The following INTS2 variants were observed in gnomAD, a reference collection of about 807,000 sequenced individuals.
The protein encoded by INTS2 is integrator complex subunit 2.
Under a neutral mutation model 139.6 loss-of-function variants are expected in INTS2, and 57 were observed. That is an observed-to-expected ratio of 0.41 (90% confidence interval 0.33 to 0.51). The LOEUF (loss-of-function observed/expected upper bound fraction) is 0.51. Among genes scored for constraint, INTS2 ranks in the 20% least tolerant of loss-of-function variants. The probability of loss-of-function intolerance (pLI) is 0.28; values close to 1 mark genes in which losing one functional copy is unlikely to be tolerated. For synonymous variants in INTS2, 473 were observed against 493.4 expected (o/e 0.96, Z 0.55); for missense variants, 1,196 against 1,436.7 (o/e 0.83, Z 2.71).
At chr17:61,911,263 T>C in intron 7 of INTS2, 3 of 444,172 alleles carry the variant, frequency 6.8e-6, no homozygotes, top group Non-Finnish European at 1.2e-5. Flanking sequence ...CAGCTGTTCC[T>C]ATTTTTAAAA....
At chr17:61,920,756 T>C (rs186200495) in intron 4 of INTS2, among the ~76,000 whole-genome samples, 63 of 151,058 alleles carry the variant, frequency 4.2e-4, no homozygotes, top group Admixed American at 9.9e-4. Flanking sequence ...TGAGCCGAGA[T>C]CACACCACTG....
chr17:61,907,542 G>C lies in INTS2; in HGVS notation c.1047C>G (p.Thr349=), dbSNP rs1418412397. Residue 349 remains threonine, a synonymous_variant, in exon 8 of 25, where the codon ACC becomes ACG. Transcript: ENST00000251334. ...CCACATCAGCTTCTTCCACAATTCG[G>C]GTGCTTCTTACTGTGGGAAGAATGC... The part of the protein sequence containing the change: ...LMGILPTVRS[T]RIVEEADVDM... 1 of 1,594,580 alleles carries C rather than the reference G, an allele frequency of 6.3e-7. No homozygotes were observed. Among genetic ancestry groups the C allele is most frequent in the South Asian group, 1.1e-5 (1 of 87,282 alleles).
intron 16 of INTS2, among the ~76,000 whole-genome samples, chr17:61,883,829 G>GGTATTTAAT (rs1317414704): frequency 6.6e-6 from 1 of 151,208 alleles, no homozygotes; most frequent in Non-Finnish European, 1.5e-5. Context: ...ACATTAAAGA[G>GGTATTTAAT]GTATTTAATT....
At position 61,891,464 on chromosome 17, in the gene INTS2, G is replaced by A. The variant is rs369226719; in HGVS notation, c.1875+49C>T. The A allele has an allele frequency of 3.0e-4, 417 of 1,377,502 alleles. 1 individual carries two copies. In the African/African-American group the frequency reaches 5.6e-3, roughly 19 times the overall value. The allele number at this position is 1,377,502 out of a possible 1,614,324, so 85.3% of individuals were successfully genotyped here. A position where few individuals can be genotyped will look rare whatever the true frequency, so the allele number is the denominator to read the frequency against. On this transcript the variant is annotated intron_variant, in intron 14 of 24. Coordinates refer to ENST00000251334, the MANE Select transcript of INTS2 (RefSeq NM_001351695.2). ...AATAAAAATATGGGTTAAGTAAGAAGAACTAAAAGAAAAATAAGTTAATAG... is the reference window on the plus strand; with the variant it reads ...AATAAAAATATGGGTTAAGTAAGAAAAACTAAAAGAAAAATAAGTTAATAG...
chr17:61,894,103 TG>T, intron 12 of INTS2: 1 of 370,242 alleles, frequency 2.7e-6, no homozygotes, highest in East Asian at 4.4e-5. Context: ...CCTAATTTTT[TG>T]TTTATAAACA....
At position 61,899,200 on chromosome 17, in the gene INTS2, G is replaced by A. The variant is rs71375804; in HGVS notation, c.1308-1461C>T. Reference sequence around the variant, plus strand: ...TTACTGGTAGTGTGATCTTGAAGAAGAAACACAAATAATCTTTCTTTTCCT... The same window carrying A: ...TTACTGGTAGTGTGATCTTGAAGAAAAAACACAAATAATCTTTCTTTTCCT... On this transcript the variant is annotated intron_variant, in intron 9 of 24. Coordinates refer to ENST00000251334, the MANE Select transcript of INTS2 (RefSeq NM_001351695.2). Among the ~76,000 whole-genome samples the A allele has an allele frequency of 4.0e-3, 603 of 152,282 alleles. 3 individuals are homozygous for A. The highest frequency in any genetic ancestry group is 6.6e-3 in the Admixed American group (101 of 15,288).
rs61752321 is a variant in INTS2 at position 61,926,459 on chromosome 17, G to A, written c.186C>T (p.Leu62=). The A allele has an allele frequency of 5.5e-3, 8,843 of 1,613,996 alleles. 42 individuals are homozygous for A. The highest frequency in any genetic ancestry group is 6.3e-3 in the Non-Finnish European group (7,412 of 1,179,850). ...QSQSWAQDKK[L]ILRLLSGVEA... is the part of the protein sequence containing the mutation. ...CCACTCCAGAAAGAAGGCGAAGGATGAGTTTCTTATCCTGAGCCCAGCTTT... is the reference window on the plus strand; with the variant it reads ...CCACTCCAGAAAGAAGGCGAAGGATAAGTTTCTTATCCTGAGCCCAGCTTT... Residue 62 remains leucine, a synonymous_variant, in exon 2 of 25, where the codon CTC becomes CTT. Transcript: ENST00000251334.
At chr17:61,923,946 C>G (rs929779220) in intron 3 of INTS2, among the ~76,000 whole-genome samples, 1 of 152,174 alleles carries the variant, frequency 6.6e-6, no homozygotes, top group African/African-American at 2.4e-5. Flanking sequence ...CACCACCACG[C>G]CCAGCTAATT....
intron 15 of INTS2, among the ~76,000 whole-genome samples, chr17:61,889,173 C>T (rs913616861): frequency 3.3e-5 from 5 of 151,760 alleles, no homozygotes; most frequent in South Asian, 2.1e-4. Flanking sequence ...CTGCAACTTC[C>T]GCCTCTGGGT....
At position 61,868,468 on chromosome 17, in the gene INTS2, T is replaced by C. The variant is rs925373412; in HGVS notation, c.3245-459A>G. ...ACAACAGGGTATTATGGAAATATTA[T>C]AATGAGAAAGAATACTAAGTTAACT... is the stretch of plus-strand genomic sequence containing the variant. On this transcript the variant is annotated intron_variant, in intron 23 of 24. Transcript: ENST00000251334. The surrounding 1 kb of genome is among the most constrained non-coding windows in gnomAD (Gnocchi z 4.7). Among the ~76,000 whole-genome samples the C allele has an allele frequency of 2.0e-5, 3 of 152,140 alleles. No individual in the cohort carries two copies. Among genetic ancestry groups the C allele is most frequent in the African/African-American group, 7.2e-5 (3 of 41,444 alleles).
intron 5 of INTS2, among the ~76,000 whole-genome samples, chr17:61,917,470 T>G (rs1448131260): frequency 6.6e-6 from 1 of 152,214 alleles, no homozygotes; most frequent in Non-Finnish European, 1.5e-5. Context: ...AATCATGTCC[T>G]TTGCCGCAAC....
Position 61,867,782 on chromosome 17 carries a change from C to A in INTS2, c.3421+51G>T. On this transcript the variant is annotated intron_variant, in intron 24 of 24. Transcript: ENST00000251334. This position sits in a 1 kb window ranked among gnomAD's most constrained non-coding sequence, Gnocchi z 5.6. ...CCAAGAAATTTGGAAAGGAATTTGGCCTTTTTGTTTGAGATATTAAGATAA... is the reference window on the plus strand; with the variant it reads ...CCAAGAAATTTGGAAAGGAATTTGGACTTTTTGTTTGAGATATTAAGATAA... 1 of 1,559,784 alleles carries A rather than the reference C, an allele frequency of 6.4e-7. No homozygotes were observed. The highest frequency in any genetic ancestry group is 8.7e-7 in the Non-Finnish European group (1 of 1,155,150).
rs1429957303 is a variant in INTS2 at position 61,926,543 on chromosome 17, T to C, written c.102A>G (p.Leu34=). ...VCLASLSDPE[L]RLLLPCLVRM... is the part of the protein sequence containing the mutation. ...GTACCAAACAGGGCAGAAGAAGTCTTAATTCTGGATCACTTAAAGATGCCA... is the reference window on the plus strand; with the variant it reads ...GTACCAAACAGGGCAGAAGAAGTCTCAATTCTGGATCACTTAAAGATGCCA... Residue 34 remains leucine, a synonymous_variant, in exon 2 of 25, where the codon TTA becomes TTG. Transcript: ENST00000251334. 6.2e-7 allele frequency: 1 copy of C among 1,613,698 alleles called. No individual in the cohort carries two copies.
At position 61,870,785 on chromosome 17, in the gene INTS2, G is replaced by GGTTATT. The variant is rs1386992845; in HGVS notation, c.2779-803_2779-798dup. Among the ~76,000 whole-genome samples the GGTTATT allele has an allele frequency of 3.9e-5, 6 of 152,178 alleles. No homozygotes were observed. Among genetic ancestry groups the GGTTATT allele is most frequent in the East Asian group, 1.9e-4 (1 of 5,168 alleles). The stretch of plus-strand genomic sequence containing the variant: ...ATGGTTCTTGGGGAAAGGAGTTTTT[G>GGTTATT]GTTATTGTTATTGTTATTGTTTTGT... On this transcript the variant is annotated intron_variant, in intron 20 of 24. Coordinates refer to ENST00000251334, the MANE Select transcript of INTS2 (RefSeq NM_001351695.2). This position sits in a 1 kb window ranked among gnomAD's most constrained non-coding sequence, Gnocchi z 4.4.
intron 9 of INTS2, among the ~76,000 whole-genome samples, chr17:61,901,039 C>T (rs925954516): frequency 6.6e-6 from 1 of 152,108 alleles, no homozygotes; most frequent in African/African-American, 2.4e-5. Flanking sequence ...CTCTGGGAGG[C>T]AAAGGCAGGA....
chr17:61,898,334 G>C (rs1037204236), intron 9 of INTS2, among the ~76,000 whole-genome samples: 1 of 152,028 alleles, frequency 6.6e-6, no homozygotes, highest in East Asian at 1.9e-4. Context: ...TTGCTCTGTC[G>C]CCCAGGCTGG....
In INTS2 at chr17:61,907,631, T is replaced by C; in HGVS notation, c.958A>G (p.Lys320Glu). Reference protein sequence around the residue: ...GTFIRNGQQRKRETSSSVLWQ... With the variant: ...GTFIRNGQQRERETSSSVLWQ... ...AGGACAGAACTGCTGGTCTCTCTTT[T>C]TCTCTGAAAGAAATATGGATCACAA... The change falls in exon 8 of 25, where the codon AAA becomes GAA. Residue 320 changes from lysine to glutamate, a missense_variant. By Grantham distance (56) the Lys-to-Glu change is moderately conservative. Transcript: ENST00000251334. 6.4e-7 allele frequency: 1 copy of C among 1,573,480 alleles called. No homozygotes were observed. Among genetic ancestry groups the C allele is most frequent in the South Asian group, 1.2e-5 (1 of 85,702 alleles).
At chr17:61,921,255 G>A (rs1054061919) in intron 4 of INTS2, 5 of 152,248 alleles carry the variant, frequency 3.3e-5, no homozygotes, top group African/African-American at 1.2e-4. Flanking sequence ...GCTGAAGTGG[G>A]AGGATCCCTT....
rs535507307 is a variant in INTS2, at chr17:61,878,044, T to A, written c.2299A>T (p.Ile767Leu). ...GCAGAGAGTAGAGTCAAGTGTTCTA[T>A]AATCTGCATCACTTGTGTGTTATTT... ...PVNNTQVMQI[I>L]EHLTLLSASE... Residue 767 changes from isoleucine to leucine, a missense_variant, in exon 18 of 25, where the codon ATA becomes TTA. Transcript: ENST00000251334. The A allele has an allele frequency of 2.6e-5, 42 of 1,612,932 alleles. 1 individual carries two copies. In the East Asian group the frequency reaches 7.8e-4, roughly 30 times the overall value.
Sources: allele counts gnomAD v4.1 joint callset (sites outside exome capture counted in the v4.1 genomes callset), GRCh38; gene constraint gnomAD v4.1.1; non-coding constraint Gnocchi (gnomAD v3.1); transcripts MANE v1.5; gene names NCBI Gene and HGNC (gene_info 2026-07-23, HGNC 2026-07-21).